Variants in DNAJB6 observed in about 807,000 individuals in gnomAD.
The protein encoded by DNAJB6 is dnaJ homolog subfamily B member 6.
In DNAJB6, 16 loss-of-function variants were observed where a neutral mutation model predicts 42.7. The observed-to-expected ratio is 0.37, with a 90% CI of 0.25 to 0.57. The LOEUF is 0.57. Ranked by LOEUF, DNAJB6 falls within the 20% of genes least tolerant of loss-of-function variation. DNAJB6 has a pLI of 0.74. For missense variants in DNAJB6, 347 were observed against 416.8 expected (o/e 0.83, Z 1.46); for synonymous variants, 170 against 163.5 (o/e 1.04, Z -0.30).
chr7:157,359,144 G>A (rs966672672), intron 2 of DNAJB6, among the ~76,000 whole-genome samples: 2 of 152,152 alleles, frequency 1.3e-5, no homozygotes, highest in African/African-American at 4.8e-5. Flanking sequence ...AGGCTCTCAC[G>A]GTAACCTTAG....
chr7:157,393,828 T>C (rs1801463340), intron 8 of DNAJB6, among the ~76,000 whole-genome samples: 1 of 151,716 alleles, frequency 6.6e-6, no homozygotes, highest in Non-Finnish European at 1.5e-5. Flanking sequence ...GTTACTGTTT[T>C]GTGTTGGGAA....
intron 4 of DNAJB6, 51 bp from the exon 5 acceptor site, chr7:157,367,322 C>A: frequency 1.7e-6 from 2 of 1,196,682 alleles, no homozygotes; most frequent in South Asian, 2.5e-5. Flanking sequence ...GAATTCTTTG[C>A]CTACAAAGCA....
intron 1 of DNAJB6, among the ~76,000 whole-genome samples, chr7:157,356,262 A>T (rs1339954702): frequency 2.0e-5 from 3 of 152,238 alleles, no homozygotes; most frequent in Non-Finnish European, 4.4e-5. Flanking sequence ...GTTGGCAGCA[A>T]ACTGGAGCTG....
At chr7:157,365,904 T>C (rs1799818305) in intron 3 of DNAJB6, among the ~76,000 whole-genome samples, 1 of 151,758 alleles carries the variant, frequency 6.6e-6, no homozygotes, top group Non-Finnish European at 1.5e-5. Flanking sequence ...CCTCAGGTGA[T>C]CGGCCCTTCT....
At chr7:157,373,532 G>C (rs923987251) in intron 5 of DNAJB6, among the ~76,000 whole-genome samples, 2 of 152,186 alleles carry the variant, frequency 1.3e-5, no homozygotes, top group Admixed American at 6.5e-5. Flanking sequence ...TGTGTTTTTA[G>C]TAGAGACGGA....
intron 8 of DNAJB6, among the ~76,000 whole-genome samples, chr7:157,396,602 C>T (rs1471062972): frequency 6.6e-6 from 1 of 152,210 alleles, no homozygotes; most frequent in Non-Finnish European, 1.5e-5. Context: ...CCCTGGGCCC[C>T]CTCCTCTGCT....
At chr7:157,372,015 G>A (rs913226377) in intron 5 of DNAJB6, 16 of 152,288 alleles carry the variant, frequency 1.1e-4, no homozygotes, top group Admixed American at 1.0e-3. Context: ...AGCAATAGAG[G>A]AGGAGTCCTG....
Position 157,385,537 on chromosome 7 carries a change from A to T in DNAJB6, c.621-4A>T. Reference sequence around the variant, plus strand: ...AGGTTTTTAAATGAATTTTTTTCCTACAGAATTGTCGAGAACGGTCAAGAA... The same window carrying T: ...AGGTTTTTAAATGAATTTTTTTCCTTCAGAATTGTCGAGAACGGTCAAGAA... On this transcript the variant is annotated splice_polypyrimidine_tract_variant and splice_region_variant and intron_variant, in intron 7 of 9. Coordinates refer to ENST00000262177, the MANE Select transcript of DNAJB6 (RefSeq NM_058246.4). The T allele has an allele frequency of 6.2e-7, 1 of 1,610,486 alleles. No homozygotes were observed. Among genetic ancestry groups the T allele is most frequent in the African/African-American group, 1.3e-5 (1 of 74,846 alleles).
intron 8 of DNAJB6, among the ~76,000 whole-genome samples, chr7:157,387,415 T>A (rs920886694): frequency 6.6e-6 from 1 of 152,166 alleles, no homozygotes; most frequent in Non-Finnish European, 1.5e-5. Context: ...CAACTAGCAT[T>A]GTGCGATCAT....
At chr7:157,362,594 G>A (rs1188283457) in intron 2 of DNAJB6, among the ~76,000 whole-genome samples, 11 of 151,974 alleles carry the variant, frequency 7.2e-5, no homozygotes, top group African/African-American at 2.4e-4. Context: ...GGCTGGTCTC[G>A]AACTTCTGAC....
At chr7:157,378,801 C>G (rs1046677208) in intron 5 of DNAJB6, 1 of 152,088 alleles carries the variant, frequency 6.6e-6, no homozygotes, top group African/African-American at 2.4e-5. Flanking sequence ...CTTTTCAAAA[C>G]GACAGAAACC....
chr7:157,398,040 C>G (rs1000710134), intron 8 of DNAJB6, among the ~76,000 whole-genome samples: 2 of 152,240 alleles, frequency 1.3e-5, no homozygotes, highest in East Asian at 1.9e-4. Context: ...GTTCAGCCTT[C>G]GTACCTGCTC....
chr7:157,404,466 CTTTTTTT>C (rs55793060), intron 8 of DNAJB6, among the ~76,000 whole-genome samples: 2 of 103,212 alleles, frequency 1.9e-5, no homozygotes, highest in African/African-American at 8.0e-5. Context: ...TAATTTTTGT[CTTTTTTT>C]TTTTTTTTTT....
chr7:157,382,255 T>C lies in DNAJB6; in HGVS notation c.356T>C (p.Phe119Ser), dbSNP rs1260845146. The C allele has an allele frequency of 6.3e-7, 1 of 1,598,880 alleles. No homozygotes were observed. Residue 119 changes from phenylalanine (F) to serine (S), a missense_variant, in exon 6 of 10, where the codon TTT becomes TCT. Physicochemically the swap from Phe to Ser is radical, Grantham distance 155. This residue lies in a region of DNAJB6 where 264 missense variants were observed against 288.0 expected (regional missense o/e 0.92). Coordinates refer to ENST00000262177, the MANE Select transcript of DNAJB6 (RefSeq NM_058246.4). ...TTATGTTTGATTTTAGAAGACCCTTTTGAGGACTTCTTTGGGAATCGAAGG... is the reference window on the plus strand; with the variant it reads ...TTATGTTTGATTTTAGAAGACCCTTCTGAGGACTTCTTTGGGAATCGAAGG... ...PFSFDFFEDP[F>S]EDFFGNRRGP...
At chr7:157,399,104 G>A (rs1438784873) in intron 8 of DNAJB6, among the ~76,000 whole-genome samples, 1 of 151,956 alleles carries the variant, frequency 6.6e-6, no homozygotes, top group African/African-American at 2.4e-5. Flanking sequence ...AGGTTAATTT[G>A]TGAGAAGTTG....
chr7:157,339,599 TTTTGTG>T (rs1186773204), intron 1 of DNAJB6, among the ~76,000 whole-genome samples: 5 of 115,992 alleles, frequency 4.3e-5, no homozygotes, highest in African/African-American at 1.0e-4. Context: ...GCGCCCGGCC[TTTTGTG>T]TGTGTGTGTG....
chr7:157,347,826 C>A (rs186065280), intron 1 of DNAJB6, among the ~76,000 whole-genome samples: 5 of 152,118 alleles, frequency 3.3e-5, no homozygotes, highest in Non-Finnish European at 1.5e-5. Context: ...GTTGGAGTCT[C>A]GCTCTGTCAC....
rs1009070290 is a variant in DNAJB6, at chr7:157,366,558, G to A, written c.232G>A (p.Gly78Arg). ...YGKEGLNGGG[G>R]GGSHFDSPFE... ...CAAAGAAGGATTAAATGGTGGAGGA[G>A]GAGGTAAGTACGTGAGTTTTTTCTT... The change falls in exon 4 of 10, where the codon GGA (glycine) becomes AGA (arginine). Residue 78 changes from glycine to arginine, a missense_variant. Around this residue, in one of 3 missense-constraint regions of DNAJB6, gnomAD observed 78 missense variants for 102.1 expected, o/e 0.76. Transcript: ENST00000262177. 1.9e-6 allele frequency: 3 copies of A among 1,613,954 alleles called. No homozygotes were observed. Among genetic ancestry groups the A allele is most frequent in the Non-Finnish European group, 2.5e-6 (3 of 1,179,918 alleles).
Position 157,382,266 on chromosome 7 carries a change from T to A in DNAJB6, c.367T>A (p.Phe123Ile), listed in dbSNP as rs1175841144. 1.2e-6 allele frequency: 2 copies of A among 1,606,086 alleles called. No homozygotes were observed. Among genetic ancestry groups the A allele is most frequent in the East Asian group, 4.5e-5 (2 of 44,724 alleles). ...TTTAGAAGACCCTTTTGAGGACTTC[T>A]TTGGGAATCGAAGGGGTCCCCGAGG... ...DFFEDPFEDF[F>I]GNRRGPRGSR... is the part of the protein sequence containing the mutation. Residue 123 changes from phenylalanine (F) to isoleucine (I), a missense_variant, in exon 6 of 10, where the codon TTT (phenylalanine) becomes ATT (isoleucine). Phe to Ile is a conservative substitution (Grantham distance 21). Around this residue, in one of 3 missense-constraint regions of DNAJB6, gnomAD observed 264 missense variants for 288.0 expected, o/e 0.92. Coordinates refer to ENST00000262177, the MANE Select transcript of DNAJB6 (RefSeq NM_058246.4).
Sources: allele counts gnomAD v4.1 joint callset (sites outside exome capture counted in the v4.1 genomes callset), GRCh38; gene constraint gnomAD v4.1.1; regional missense constraint gnomAD v4.1.1; transcripts MANE v1.5; gene names NCBI Gene and HGNC (gene_info 2026-07-23, HGNC 2026-07-21).